THSD7B: variants seen among roughly 807,000 people sequenced by gnomAD.
THSD7B encodes thrombospondin type 1 domain containing 7B, also known as thrombospondin type-1 domain-containing protein 7B.
A neutral mutation model predicts 213.6 loss-of-function variants in THSD7B; 138 were observed. That is an observed-to-expected ratio of 0.65 (90% CI 0.56 to 0.74). THSD7B has a LOEUF of 0.74. Ranked by LOEUF, THSD7B falls within the 30% of genes least tolerant of loss-of-function variation. THSD7B has a pLI of 0.00. For missense variants in THSD7B, 1,931 were observed against 1,991.5 expected (o/e 0.97, Z 0.58); for synonymous variants, 742 against 687.0 (o/e 1.08, Z -1.25).
intron 2 of THSD7B, among the ~76,000 whole-genome samples, chr2:137,012,297 A>T (rs1038865055): frequency 6.6e-6 from 1 of 152,294 alleles, no homozygotes; most frequent in East Asian, 1.9e-4. Flanking sequence ...GAGTCTGACC[A>T]CTTTAAAAAT....
At chr2:136,952,045 T>A (rs192065932) in intron 2 of THSD7B, among the ~76,000 whole-genome samples, 13 of 152,202 alleles carry the variant, frequency 8.5e-5, no homozygotes, top group South Asian at 8.3e-4. Context: ...AATTTTTGTA[T>A]TTTTAGTGGA....
chr2:137,407,248 A>G (rs538280587), intron 13 of THSD7B, among the ~76,000 whole-genome samples: 8 of 152,250 alleles, frequency 5.3e-5, no homozygotes, highest in East Asian at 3.9e-4. Flanking sequence ...TTCCTTTTAT[A>G]TAAATATTGA....
intron 2 of THSD7B, among the ~76,000 whole-genome samples, chr2:137,051,009 A>G (rs1468035529): frequency 6.6e-6 from 1 of 152,160 alleles, no homozygotes; most frequent in Admixed American, 6.5e-5. Flanking sequence ...ATCATGATTG[A>G]TTTAGAAATA....
chr2:136,807,608 G>A (rs974676920), intron 1 of THSD7B, among the ~76,000 whole-genome samples: 25 of 140,190 alleles, frequency 1.8e-4, no homozygotes, highest in African/African-American at 6.0e-4. Flanking sequence ...CCGGGTTCAC[G>A]CCATTCTCCT....
chr2:137,081,925 T>G (rs1160601357), intron 3 of THSD7B, among the ~76,000 whole-genome samples: 1 of 152,066 alleles, frequency 6.6e-6, no homozygotes, highest in South Asian at 2.1e-4. Context: ...TGTTCTGTCT[T>G]TGTTTCTGCA....
intron 15 of THSD7B, among the ~76,000 whole-genome samples, chr2:137,535,693 G>A (rs1040437517): frequency 6.6e-6 from 1 of 151,736 alleles, no homozygotes; most frequent in Admixed American, 6.6e-5. Flanking sequence ...ATATTCAAGT[G>A]AAGGAAGTAG....
chr2:137,546,421 ATATTATATATATATTATATATATT>A (rs1680723611), intron 15 of THSD7B, among the ~76,000 whole-genome samples: 1 of 36,114 alleles, frequency 2.8e-5, no homozygotes, highest in Non-Finnish European at 4.2e-5. Flanking sequence ...TATATTATAT[ATATTATATATATATTATATATATT>A]ATATATATAT....
intron 15 of THSD7B, among the ~76,000 whole-genome samples, chr2:137,547,286 G>A (rs1680760003): frequency 6.6e-6 from 1 of 151,960 alleles, no homozygotes; most frequent in Non-Finnish European, 1.5e-5. Context: ...AGACATGTCA[G>A]GTCTGTTATG....
chr2:137,471,750 C>T (rs948094150), intron 15 of THSD7B, among the ~76,000 whole-genome samples: 22 of 152,078 alleles, frequency 1.4e-4, no homozygotes, highest in Non-Finnish European at 3.2e-4. Flanking sequence ...TAGGTGCAGG[C>T]TCCCAGTGGC....
At position 137,584,289 on chromosome 2, in the gene THSD7B, G is replaced by A. The variant is rs1300677494; in HGVS notation, c.3423+11733G>A. Reference sequence around the variant, plus strand: ...TACAATCATGTCATCTGCAAACAGGGACAATTTGACTTCCTCTTTTCCTAA... The same window carrying A: ...TACAATCATGTCATCTGCAAACAGGAACAATTTGACTTCCTCTTTTCCTAA... On this transcript the variant is annotated intron_variant, in intron 17 of 27. Coordinates refer to ENST00000409968, the MANE Select transcript of THSD7B (RefSeq NM_001316349.2). Among the ~76,000 whole-genome samples the A allele has an allele frequency of 2.0e-5, 3 of 152,270 alleles. No individual in the cohort carries two copies. The East Asian group carries it at 5.8e-4, about 29-fold the overall frequency.
chr2:136,973,472 G>A (rs1685434149), intron 2 of THSD7B, among the ~76,000 whole-genome samples: 1 of 151,762 alleles, frequency 6.6e-6, no homozygotes, highest in South Asian at 2.1e-4. Context: ...TCTTATAATG[G>A]GGTTGTATTT....
At chr2:136,906,546 G>A (rs1337321830) in intron 2 of THSD7B, 6 of 152,084 alleles carry the variant, frequency 3.9e-5, no homozygotes, top group South Asian at 4.1e-4. Context: ...TCTTGAATTC[G>A]TTGATGATGT....
At chr2:137,448,975 G>T (rs1421301733) in intron 14 of THSD7B, among the ~76,000 whole-genome samples, 2 of 152,110 alleles carry the variant, frequency 1.3e-5, no homozygotes, top group East Asian at 1.9e-4. Context: ...ATTTTTGTTT[G>T]TTTGTTTGTT....
chr2:137,268,188 T>C (rs780372930), intron 10 of THSD7B, among the ~76,000 whole-genome samples: 12 of 152,124 alleles, frequency 7.9e-5, no homozygotes, highest in Non-Finnish European at 8.8e-5. Context: ...AGTTCTAGGG[T>C]ACATGTGCAC....
intron 12 of THSD7B, among the ~76,000 whole-genome samples, chr2:137,312,615 A>T (rs1272898993): frequency 6.7e-6 from 1 of 149,864 alleles, no homozygotes; most frequent in African/African-American, 2.5e-5. Flanking sequence ...TCAATTTTGG[A>T]TCTTTCCTGC....
chr2:136,772,402 A>G (rs762991199), intron 1 of THSD7B, among the ~76,000 whole-genome samples: 45 of 152,112 alleles, frequency 3.0e-4, no homozygotes, highest in Non-Finnish European at 4.4e-4. Flanking sequence ...TTGTGCATGA[A>G]GATTATATCA....
At chr2:137,461,529 C>T (rs1317478060) in intron 15 of THSD7B, among the ~76,000 whole-genome samples, 1 of 152,036 alleles carries the variant, frequency 6.6e-6, no homozygotes, top group African/African-American at 2.4e-5. Context: ...GGACTCTGCT[C>T]ACTGCACTCC....
At chr2:137,374,750 G>C (rs558324974) in intron 12 of THSD7B, among the ~76,000 whole-genome samples, 12 of 152,190 alleles carry the variant, frequency 7.9e-5, no homozygotes, top group African/African-American at 2.4e-4. Context: ...ACACATAAGA[G>C]TGCACTCTAC....
intron 12 of THSD7B, among the ~76,000 whole-genome samples, chr2:137,349,174 G>A (rs533647652): frequency 2.6e-5 from 4 of 151,714 alleles, no homozygotes; most frequent in South Asian, 2.1e-4. Flanking sequence ...AGAATCATCC[G>A]TTCAAGTCTA....
Sources: allele counts gnomAD v4.1 joint callset (sites outside exome capture counted in the v4.1 genomes callset), GRCh38; gene constraint gnomAD v4.1.1; transcripts MANE v1.5; gene names NCBI Gene and HGNC (gene_info 2026-07-23, HGNC 2026-07-21).